PPIP5K2: variants seen among roughly 807,000 people sequenced by gnomAD.
PPIP5K2 encodes the protein inositol hexakisphosphate and diphosphoinositol-pentakisphosphate kinase 2.
A neutral mutation model predicts 154.6 loss-of-function variants in PPIP5K2; 105 were observed. The ratio of observed to expected loss-of-function variants is 0.68; its 90% CI spans 0.58 to 0.80. The LOEUF is 0.80. Ranked by LOEUF, PPIP5K2 falls within the 30% of genes least tolerant of loss-of-function variation. PPIP5K2 has a pLI of 0.00. For synonymous variants in PPIP5K2, 480 were observed against 490.3 expected (o/e 0.98, Z 0.28); for missense variants, 992 against 1,504.6 (o/e 0.66, Z 5.64).
intron 14 of PPIP5K2, among the ~76,000 whole-genome samples, chr5:103,156,274 CTAAG>C (rs1230888727): frequency 3.9e-5 from 6 of 152,048 alleles, no homozygotes; most frequent in African/African-American, 1.4e-4. Context: ...TTGTTTATAA[CTAAG>C]TGTTATTTAA....
At chr5:103,184,502 A>G in intron 25 of PPIP5K2, 170 bp from the exon 26 acceptor site, 1 of 517,300 alleles carries the variant, frequency 1.9e-6, no homozygotes, top group African/African-American at 1.9e-5. Context: ...CATGAAATGG[A>G]CTCCCTTCAA....
At chr5:103,179,526 G>T (rs1039573944) in intron 23 of PPIP5K2, among the ~76,000 whole-genome samples, 9 of 151,984 alleles carry the variant, frequency 5.9e-5, no homozygotes, top group Non-Finnish European at 1.3e-4. Context: ...CTTAGTAAAT[G>T]CTTAATGAGT....
intron 29 of PPIP5K2, among the ~76,000 whole-genome samples, chr5:103,193,729 T>C (rs140457033): frequency 2.4e-3 from 371 of 152,292 alleles, no homozygotes; most frequent in Non-Finnish European, 4.5e-3. Flanking sequence ...TAATCATTCA[T>C]TGTAGGTGTC....
intron 7 of PPIP5K2, 39 bp downstream of exon 7, chr5:103,148,071 A>G (rs1554209840): frequency 1.5e-6 from 2 of 1,356,912 alleles, no homozygotes; most frequent in Non-Finnish European, 2.1e-6. Context: ...TTATATTTCA[A>G]GTTTACCAAT....
At position 103,195,043 on chromosome 5, in the gene PPIP5K2, T is replaced by C. The variant is rs1801864256; in HGVS notation, c.3619+18T>C. The stretch of plus-strand genomic sequence containing the variant: ...CAAACCAGGTAAGGGGTGTGTGTGT[T>C]GAGTTTGTGGATTTGCACAGAAATT... On this transcript the variant is annotated intron_variant, in intron 30 of 30. Coordinates refer to ENST00000358359, the MANE Select transcript of PPIP5K2 (RefSeq NM_001276277.3). 6.3e-7 allele frequency: 1 copy of C among 1,596,184 alleles called. No homozygotes were observed. The highest frequency in any genetic ancestry group is 8.5e-7 in the Non-Finnish European group (1 of 1,174,984).
chr5:103,142,705 G>C (rs1793018076), intron 5 of PPIP5K2, among the ~76,000 whole-genome samples: 1 of 152,024 alleles, frequency 6.6e-6, no homozygotes, highest in African/African-American at 2.4e-5. Context: ...GAACCCAGGA[G>C]GCGGAGCTTG....
Position 103,203,315 on chromosome 5 carries a change from T to G in PPIP5K2, c.*1681T>G, listed in dbSNP as rs1554231291. The G allele has an allele frequency of 6.6e-6, 1 of 152,186 alleles. No homozygotes were observed. The highest frequency in any genetic ancestry group is 6.6e-5 in the Admixed American group (1 of 15,258). 9.4% of individuals were successfully genotyped at this position (152,186 alleles called of 1,614,324 possible). A position where few individuals can be genotyped will look rare whatever the true frequency, so the allele number is the denominator to read the frequency against. ...TATTAACTAGTACTTACATATTAAA[T>G]AAAATTTATTATTGGCTATATACAT... is the stretch of plus-strand genomic sequence containing the variant. On this transcript the variant is annotated 3_prime_UTR_variant, in exon 31 of 31. Coordinates refer to ENST00000358359, the MANE Select transcript of PPIP5K2 (RefSeq NM_001276277.3).
intron 19 of PPIP5K2, among the ~76,000 whole-genome samples, chr5:103,170,724 A>T (rs1248113948): frequency 2.0e-5 from 3 of 151,362 alleles, no homozygotes; most frequent in Non-Finnish European, 4.4e-5. Flanking sequence ...TTTAGGCCTC[A>T]TAAATACAAA....
intron 17 of PPIP5K2, among the ~76,000 whole-genome samples, chr5:103,164,481 A>C (rs1332995624): frequency 6.6e-6 from 1 of 152,042 alleles, no homozygotes; most frequent in Non-Finnish European, 1.5e-5. Flanking sequence ...TGTCTTTTAC[A>C]AAATGTGCAC....
chr5:103,167,602 A>G (rs550525112), intron 18 of PPIP5K2, among the ~76,000 whole-genome samples: 1 of 152,088 alleles, frequency 6.6e-6, no homozygotes, highest in African/African-American at 2.4e-5. Flanking sequence ...AGAAGGAGCA[A>G]GCAACAGGAA....
At chr5:103,154,483 A>T (rs1795094642) in intron 11 of PPIP5K2, among the ~76,000 whole-genome samples, 187 bp from the exon 12 acceptor site, 1 of 152,056 alleles carries the variant, frequency 6.6e-6, no homozygotes, top group African/African-American at 2.4e-5. Flanking sequence ...TCATTTAGGA[A>T]AGTACTAAGT....
intron 21 of PPIP5K2, among the ~76,000 whole-genome samples, chr5:103,175,200 G>A (rs1406417548): frequency 1.3e-5 from 2 of 152,112 alleles, no homozygotes; most frequent in Non-Finnish European, 2.9e-5. Flanking sequence ...GTATAGGTCT[G>A]TTTCCTAATC....
intron 28 of PPIP5K2, chr5:103,188,912 C>G: frequency 2.8e-6 from 1 of 353,792 alleles, no homozygotes; most frequent in Non-Finnish European, 5.0e-6. Flanking sequence ...AAGGTGCATT[C>G]TTTTCTATTC....
At chr5:103,198,699 A>T (rs918831874) in intron 30 of PPIP5K2, among the ~76,000 whole-genome samples, 3 of 151,980 alleles carry the variant, frequency 2.0e-5, no homozygotes, top group Non-Finnish European at 4.4e-5. Flanking sequence ...GTCTGATGTG[A>T]TATAGCTCAA....
chr5:103,155,723 C>T lies in PPIP5K2; in HGVS notation c.1404-186C>T, dbSNP rs782334364. Among the ~76,000 whole-genome samples, 6 of 151,674 alleles carry T rather than the reference C, an allele frequency of 4.0e-5. No homozygotes were observed. In the South Asian group the frequency reaches 6.2e-4, roughly 16 times the overall value. On this transcript the variant is annotated intron_variant, in intron 13 of 30. Coordinates refer to ENST00000358359, the MANE Select transcript of PPIP5K2 (RefSeq NM_001276277.3). ...TTACAGGCTTGAGCCATGGCACCCA[C>T]GCCTGTAATTTTTAGAAAAACATTT...
intron 22 of PPIP5K2, 37 bp from the exon 23 acceptor site, chr5:103,177,827 G>T (rs782244523): frequency 6.3e-7 from 1 of 1,598,724 alleles, no homozygotes; most frequent in Non-Finnish European, 8.6e-7. Flanking sequence ...AGAGCTTAAA[G>T]TTTCTCATTT....
chr5:103,171,551 T>C (rs887527284), intron 19 of PPIP5K2, among the ~76,000 whole-genome samples: 1 of 151,558 alleles, frequency 6.6e-6, no homozygotes, highest in African/African-American at 2.4e-5. Flanking sequence ...TAAAAAATTG[T>C]TTGGTCCTAG....
chr5:103,122,289 C>T (rs1303097559), intron 1 of PPIP5K2, among the ~76,000 whole-genome samples: 10 of 152,124 alleles, frequency 6.6e-5, no homozygotes, highest in South Asian at 2.1e-4. Context: ...CAAAATGCTG[C>T]GGAACATAGA....
intron 25 of PPIP5K2, chr5:103,184,259 C>T (rs1178976740): frequency 1.9e-5 from 3 of 158,890 alleles, no homozygotes; most frequent in African/African-American, 7.2e-5. Flanking sequence ...CTGATAAAGC[C>T]CATGCATGGA....
Sources: allele counts gnomAD v4.1 joint callset (sites outside exome capture counted in the v4.1 genomes callset), GRCh38; gene constraint gnomAD v4.1.1; transcripts MANE v1.5; gene names NCBI Gene and HGNC (gene_info 2026-07-23, HGNC 2026-07-21).